FSHR: variants seen among roughly 807,000 people sequenced by gnomAD.
FSHR encodes follicle-stimulating hormone receptor.
FSHR carries 46 observed loss-of-function variants against 52.1 expected under a neutral mutation model. The observed-to-expected ratio is 0.88, with a 90% CI of 0.70 to 1.13. FSHR has a LOEUF of 1.13. Ranked by LOEUF, FSHR falls within the 50% of genes most tolerant of loss-of-function variation. The pLI is 0.00. For missense variants in FSHR, 964 were observed against 834.6 expected, an observed-to-expected ratio of 1.16 and a Z score of -1.91; for synonymous variants, 399 against 309.6, an observed-to-expected ratio of 1.29 and a Z score of -3.03.
At chr2:49,125,557 G>T (rs906841889) in intron 1 of FSHR, among the ~76,000 whole-genome samples, 1 of 152,184 alleles carries the variant, frequency 6.6e-6, no homozygotes, top group Non-Finnish European at 1.5e-5. Context: ...GTTCTCTGCT[G>T]CATCTCCAGC....
At chr2:49,065,582 T>A (rs1012281280) in intron 2 of FSHR, among the ~76,000 whole-genome samples, 3 of 152,102 alleles carry the variant, frequency 2.0e-5, no homozygotes, top group Non-Finnish European at 2.9e-5. Context: ...TAGTTCTGAA[T>A]ATGTTGAATT....
At chr2:49,139,796 CA>C in intron 1 of FSHR, among the ~76,000 whole-genome samples, 1 of 152,074 alleles carries the variant, frequency 6.6e-6, no homozygotes, top group Non-Finnish European at 1.5e-5. Context: ...GACAGGTTTC[CA>C]CCATGTTAGC....
chr2:49,110,894 A>T (rs1671399378), intron 1 of FSHR, among the ~76,000 whole-genome samples: 1 of 152,180 alleles, frequency 6.6e-6, no homozygotes, highest in African/African-American at 2.4e-5. Context: ...TTTTTGTTAC[A>T]TGATGCTACT....
chr2:49,047,901 T>A (rs183898390), intron 2 of FSHR, among the ~76,000 whole-genome samples: 19 of 152,318 alleles, frequency 1.2e-4, no homozygotes, highest in African/African-American at 4.3e-4. Flanking sequence ...TTTTTTGAGA[T>A]GGAATCTTGC....
In FSHR at chr2:48,989,042, A is replaced by G; in HGVS notation, c.459T>C (p.Asp153=). ...SLQKVLLDIQ[D]NINIHTIERN... ...TTTCAATTGTGTGGATGTTTATGTT[A>G]TCTTGAATGTCACTAGAAGAAAGTA... Residue 153 remains aspartate (D), a synonymous_variant, in exon 6 of 10, where the codon GAT becomes GAC. Transcript: ENST00000406846. The G allele has an allele frequency of 1.9e-6, 3 of 1,613,244 alleles. No individual in the cohort carries two copies. The highest frequency in any genetic ancestry group is 2.5e-6 in the Non-Finnish European group (3 of 1,179,306).
intron 1 of FSHR, among the ~76,000 whole-genome samples, chr2:49,095,501 A>G (rs1459559334): frequency 1.3e-5 from 2 of 152,210 alleles, no homozygotes; most frequent in Non-Finnish European, 2.9e-5. Context: ...ATCAAATTGT[A>G]AGAGCTAAAA....
At chr2:49,139,911 T>C (rs1672617202) in intron 1 of FSHR, among the ~76,000 whole-genome samples, 1 of 152,114 alleles carries the variant, frequency 6.6e-6, no homozygotes, top group East Asian at 1.9e-4. Context: ...AGAAATTTTA[T>C]GTTTCAAATG....
intron 2 of FSHR, among the ~76,000 whole-genome samples, chr2:49,041,809 A>C (rs1319574542): frequency 6.6e-6 from 1 of 152,038 alleles, no homozygotes; most frequent in Non-Finnish European, 1.5e-5. Flanking sequence ...TGAAAAAAAA[A>C]AAGAAAGCAC....
chr2:49,017,437 A>G (rs2104210901), intron 4 of FSHR, 52 bp downstream of exon 4: 1 of 1,374,840 alleles, frequency 7.3e-7, no homozygotes, highest in South Asian at 1.2e-5. Context: ...TTAGTAAAAT[A>G]GGCTTGCACT....
intron 6 of FSHR, 33 bp downstream of exon 6, chr2:48,988,944 G>T: frequency 6.4e-7 from 1 of 1,556,414 alleles, no homozygotes; most frequent in African/African-American, 1.4e-5. Flanking sequence ...AAAATCAAAT[G>T]TTACTCTGTT....
intron 2 of FSHR, among the ~76,000 whole-genome samples, chr2:49,034,927 G>C (rs1380305588): frequency 6.6e-6 from 1 of 152,154 alleles, no homozygotes; most frequent in Non-Finnish European, 1.5e-5. Flanking sequence ...GGTGGAATTT[G>C]GGCATTAGGG....
intron 4 of FSHR, among the ~76,000 whole-genome samples, chr2:49,002,457 GGTTTAATTGACACGCA>G (rs916694792): frequency 1.3e-5 from 2 of 152,034 alleles, no homozygotes; most frequent in African/African-American, 4.8e-5. Flanking sequence ...AAAAGAGAGA[GGTTTAATTGACACGCA>G]GTTCCTCAGG....
intron 1 of FSHR, among the ~76,000 whole-genome samples, chr2:49,121,680 C>G (rs1311709482): frequency 6.6e-6 from 1 of 152,212 alleles, no homozygotes; most frequent in East Asian, 1.9e-4. Flanking sequence ...ATATAGACAG[C>G]AGCTCAAGGA....
intron 1 of FSHR, among the ~76,000 whole-genome samples, chr2:49,097,546 G>A (rs61296268): frequency 0.27 from 41,050 of 152,078 alleles, 6,102 homozygotes; most frequent in African/African-American, 0.41. Context: ...AGAGAGCTAA[G>A]AAGGAATGAA....
chr2:49,041,024 T>G (rs17038110), intron 2 of FSHR, among the ~76,000 whole-genome samples: 8,750 of 152,282 alleles, frequency 0.057, 301 homozygotes, highest in African/African-American at 0.076. Context: ...AGCTAAACAT[T>G]CAGAGTTTAA....
At chr2:48,965,350 T>C (rs1387132917) in intron 9 of FSHR, among the ~76,000 whole-genome samples, 2 of 152,184 alleles carry the variant, frequency 1.3e-5, no homozygotes, top group Non-Finnish European at 1.5e-5. Flanking sequence ...TCATTTTCTC[T>C]TGGCCTAAGG....
intron 1 of FSHR, among the ~76,000 whole-genome samples, chr2:49,069,215 T>C (rs767274481): frequency 3.9e-5 from 6 of 152,128 alleles, no homozygotes; most frequent in Non-Finnish European, 8.8e-5. Flanking sequence ...CAACTACCCT[T>C]TGATCATCCT....
At chr2:49,011,751 C>G (rs779234008) in intron 4 of FSHR, among the ~76,000 whole-genome samples, 26 of 152,126 alleles carry the variant, frequency 1.7e-4, no homozygotes, top group Non-Finnish European at 3.1e-4. Context: ...TGTGCCCAGA[C>G]AGGTGCCACT....
In FSHR at chr2:48,963,539, G is replaced by T. The variant is rs756927700; in HGVS notation, c.1282C>A (p.Gln428Lys). 3.1e-6 allele frequency: 5 copies of T among 1,614,086 alleles called. No homozygotes were observed. The highest frequency in any genetic ancestry group is 2.7e-5 in the African/African-American group (2 of 74,938). Residue 428 changes from glutamine (Q) to lysine (K), a missense_variant, in exon 10 of 10, where the codon CAA (glutamine) becomes AAA (lysine). By Grantham distance (53) the Gln-to-Lys change is moderately conservative. Transcript: ENST00000406846. ...IASVDIHTKS[Q>K]YHNYAIDWQT... is the part of the protein sequence containing the mutation. ...CAGTCAATGGCATAGTTGTGATATT[G>T]GCTCTTGGTATGGATATCAACTGAT...
Sources: gnomAD v4.1 joint callset for allele counts (sites outside exome capture counted in the v4.1 genomes callset) on GRCh38, gnomAD v4.1.1 for gene constraint, MANE v1.5 for transcripts, NCBI Gene and HGNC (gene_info 2026-07-23, HGNC 2026-07-21) for gene names.